VAC14: variants seen among roughly 807,000 people sequenced by gnomAD.
VAC14 encodes protein VAC14 homolog.
A neutral mutation model predicts 85.3 loss-of-function variants in VAC14; 47 were observed. The ratio of observed to expected loss-of-function variants is 0.55; its 90% CI spans 0.44 to 0.70. VAC14 has a LOEUF of 0.70. VAC14 is among the 30% of genes least tolerant of loss of function. The probability of loss-of-function intolerance (pLI) is 0.00; values close to 1 mark genes in which losing one functional copy is unlikely to be tolerated. For synonymous variants in VAC14, 447 were observed against 430.5 expected (o/e 1.04, Z -0.47); for missense variants, 861 against 1,004.3 (o/e 0.86, Z 1.93).
intron 9 of VAC14, among the ~76,000 whole-genome samples, chr16:70,778,252 G>T (rs987156674): frequency 6.6e-6 from 1 of 152,172 alleles, no homozygotes. Flanking sequence ...CGCGTGGCAG[G>T]CGAGAATTCT....
chr16:70,711,383 C>T (rs1050469161), intron 14 of VAC14, among the ~76,000 whole-genome samples: 8 of 152,128 alleles, frequency 5.3e-5, no homozygotes, highest in Admixed American at 2.0e-4. Context: ...GAGCTCTAGG[C>T]GGAAGGCCCT....
rs138400684 is a variant in VAC14 at position 70,796,470 on chromosome 16, G to A, written c.104+4327C>T. 3.9e-5 allele frequency among the ~76,000 whole-genome samples: 6 copies of A among 152,262 alleles called. No individual in the cohort carries two copies. In the East Asian group the frequency reaches 1.2e-3, roughly 29 times the overall value. The stretch of plus-strand genomic sequence containing the variant: ...ATCAAATTCCTTTTATTATAAGTAT[G>A]TCCCCTTTCTGGTAGGGAAAACCAG... On this transcript the variant is annotated intron_variant, in intron 1 of 18. Transcript: ENST00000261776.
chr16:70,701,422 G>A (rs2053825904), intron 14 of VAC14, among the ~76,000 whole-genome samples: 1 of 152,134 alleles, frequency 6.6e-6, no homozygotes, highest in Admixed American at 6.6e-5. Flanking sequence ...CCACCCAGCT[G>A]CTCAGGCCCA....
intron 18 of VAC14, among the ~76,000 whole-genome samples, chr16:70,692,275 G>C (rs527475379): frequency 1.3e-5 from 2 of 151,674 alleles, no homozygotes; most frequent in African/African-American, 4.9e-5. Flanking sequence ...GAGCAGGGGA[G>C]CCTTGAGTGT....
chr16:70,690,911 C>A, intron 18 of VAC14: 1 of 985,430 alleles, frequency 1.0e-6, no homozygotes, highest in Non-Finnish European at 1.2e-6. Context: ...GTCTCACACA[C>A]CCATTTAGTC....
rs1378741814 is a variant in VAC14 at position 70,762,104 on chromosome 16, T to TG, written c.1371+435_1371+436insC. ...GAGTCCTCACTCCTAAAGTGAGTTTTTTTTTTTGTTTTTGTTTTTTTGAGA... is the reference window on the plus strand; with the variant it reads ...GAGTCCTCACTCCTAAAGTGAGTTTTGTTTTTTTGTTTTTGTTTTTTTGAGA... On this transcript the variant is annotated intron_variant, in intron 12 of 18. Coordinates refer to ENST00000261776, the MANE Select transcript of VAC14 (RefSeq NM_018052.5). This position sits in a 1 kb window ranked among gnomAD's most constrained non-coding sequence, Gnocchi z 4.1. Among the ~76,000 whole-genome samples, 150 of 137,184 alleles carry TG rather than the reference T, an allele frequency of 1.1e-3. 2 individuals carry two copies. The highest frequency in any genetic ancestry group is 4.5e-3 in the African/African-American group (131 of 29,126). The allele number at this position is 137,184 out of a possible 152,430, so 90.0% of individuals were successfully genotyped here.
In VAC14 at chr16:70,801,001, G is replaced by A; in HGVS notation, c.-101C>T. On this transcript the variant is annotated 5_prime_UTR_variant, in exon 1 of 19. Coordinates refer to ENST00000261776, the MANE Select transcript of VAC14 (RefSeq NM_018052.5). ...GCTCCGCTCTGCCCCCGGCGCCGGC[G>A]CATGGACCACGCCGCTCTAGGCTTG... 1 of 749,532 alleles carries A rather than the reference G, an allele frequency of 1.3e-6. No individual in the cohort carries two copies. The highest frequency in any genetic ancestry group is 2.0e-6 in the Non-Finnish European group (1 of 504,772). 46.4% of individuals were successfully genotyped at this position (749,532 alleles called of 1,614,324 possible). A position where few individuals can be genotyped will look rare whatever the true frequency, so the allele number is the denominator to read the frequency against.
At chr16:70,771,033 G>C (rs369420554) in intron 10 of VAC14, 1 of 152,150 alleles carries the variant, frequency 6.6e-6, no homozygotes, top group Non-Finnish European at 1.5e-5. Context: ...CCAGGGCCCA[G>C]GTTCACTGTC....
chr16:70,696,329 A>G (rs796961700), intron 16 of VAC14, among the ~76,000 whole-genome samples: 28 of 152,278 alleles, frequency 1.8e-4, no homozygotes, highest in African/African-American at 6.3e-4. Flanking sequence ...CCTGGCCAAC[A>G]TGGTGAGACC....
chr16:70,785,064 A>C (rs1015564599), intron 3 of VAC14, among the ~76,000 whole-genome samples: 9 of 152,190 alleles, frequency 5.9e-5, no homozygotes, highest in African/African-American at 2.2e-4. Flanking sequence ...CTGTTCAGGG[A>C]CTTCTCCCAT....
chr16:70,762,985 C>G lies in VAC14; in HGVS notation c.1201G>C (p.Val401Leu). 2 of 1,614,172 alleles carry G rather than the reference C, an allele frequency of 1.2e-6. No homozygotes were observed. The highest frequency in any genetic ancestry group is 1.7e-6 in the Non-Finnish European group (2 of 1,180,034). ...APVTLHLDGI[V>L]QVLNCHLSDT... The stretch of plus-strand genomic sequence containing the variant: ...CTGAGGTGGCAGTTTAGGACCTGCA[C>G]GATCCCGTCGAGGTGAAGGGTCACT... The change falls in exon 11 of 19, where the codon GTG (valine) becomes CTG (leucine). Residue 401 changes from valine (V) to leucine (L), a missense_variant. Val to Leu is a conservative substitution (Grantham distance 32, BLOSUM62 1). This residue lies in a region of VAC14 where 629 missense variants were observed against 703.1 expected (regional missense o/e 0.89). Coordinates refer to ENST00000261776, the MANE Select transcript of VAC14 (RefSeq NM_018052.5). This position sits in a 1 kb window ranked among gnomAD's most constrained non-coding sequence, Gnocchi z 4.1.
chr16:70,744,235 G>A (rs1250934476), intron 13 of VAC14, among the ~76,000 whole-genome samples, 188 bp downstream of exon 13: 1 of 152,068 alleles, frequency 6.6e-6, no homozygotes, highest in Non-Finnish European at 1.5e-5. Flanking sequence ...GGCTGCTAGA[G>A]GACTAGGGCT....
chr16:70,731,338 G>A (rs189246675), intron 14 of VAC14, 157 bp downstream of exon 14: 4 of 1,482,010 alleles, frequency 2.7e-6, no homozygotes, highest in East Asian at 2.3e-5. Flanking sequence ...CAACCAGTAT[G>A]AAGGGGCAAC....
At chr16:70,693,293 G>A (rs769134086) in intron 17 of VAC14, among the ~76,000 whole-genome samples, 9 of 152,214 alleles carry the variant, frequency 5.9e-5, no homozygotes, top group Non-Finnish European at 1.0e-4. Flanking sequence ...GAGACACGCT[G>A]TGGGGCCTGG....
chr16:70,736,026 T>C (rs1424267363), intron 13 of VAC14, among the ~76,000 whole-genome samples: 1 of 152,212 alleles, frequency 6.6e-6, no homozygotes, highest in Non-Finnish European at 1.5e-5. Flanking sequence ...TAGGCCGTGG[T>C]GGCCTGGCTG....
chr16:70,713,212 T>C (rs539381164), intron 14 of VAC14, among the ~76,000 whole-genome samples: 1 of 152,216 alleles, frequency 6.6e-6, no homozygotes, highest in South Asian at 2.1e-4. Context: ...GGCTTTCTCC[T>C]AAAATAGAAT....
At chr16:70,732,403 T>A (rs1240613526) in intron 13 of VAC14, among the ~76,000 whole-genome samples, 2 of 152,136 alleles carry the variant, frequency 1.3e-5, no homozygotes. Context: ...CACACCGAGG[T>A]ACAGATACCA....
At position 70,687,887 on chromosome 16, in the gene VAC14, T is replaced by G; in HGVS notation, c.*41A>C. ...GGAGGGCGTGACGACCCTTAGTGTT[T>G]CATGGGACCACTCGGTGGGCCCTCC... On this transcript the variant is annotated 3_prime_UTR_variant, in exon 19 of 19. Coordinates refer to ENST00000261776, the MANE Select transcript of VAC14 (RefSeq NM_018052.5). The G allele has an allele frequency of 6.9e-7, 1 of 1,453,674 alleles. No homozygotes were observed. 90.0% of individuals were successfully genotyped at this position (1,453,674 alleles called of 1,614,324 possible).
At chr16:70,784,437 G>A (rs2033956246) in intron 4 of VAC14, among the ~76,000 whole-genome samples, 1 of 152,290 alleles carries the variant, frequency 6.6e-6, no homozygotes, top group Admixed American at 6.5e-5. Context: ...AAAGTCGAGA[G>A]AACCAACTGA....
Sources: allele counts gnomAD v4.1 joint callset (sites outside exome capture counted in the v4.1 genomes callset), GRCh38; gene constraint gnomAD v4.1.1; regional missense constraint gnomAD v4.1.1; non-coding constraint Gnocchi (gnomAD v3.1); transcripts MANE v1.5; gene names NCBI Gene and HGNC (gene_info 2026-07-23, HGNC 2026-07-21).